Variants in RNF17 observed in about 807,000 individuals in gnomAD.
The protein encoded by RNF17 is spermatogenesis associated 23.
Under a neutral mutation model 200.5 loss-of-function variants are expected in RNF17, and 31 were observed. That is an observed-to-expected ratio of 0.15 (90% CI 0.12 to 0.21). RNF17 has a LOEUF of 0.21. Ranked by LOEUF, RNF17 falls within the 10% of genes least tolerant of loss-of-function variation. The pLI is 1.00. For missense variants in RNF17, 1,628 were observed against 1,905.1 expected, an observed-to-expected ratio of 0.85 and a Z score of 2.71; for synonymous variants, 606 against 637.8, an observed-to-expected ratio of 0.95 and a Z score of 0.75.
At chr13:24,839,511 T>C (rs938369005) in intron 18 of RNF17, among the ~76,000 whole-genome samples, 1 of 152,004 alleles carries the variant, frequency 6.6e-6, no homozygotes, top group Admixed American at 6.6e-5. Context: ...ACCAAAACAG[T>C]GTGGTACTGG....
At chr13:24,848,599 G>A (rs1891507885) in intron 22 of RNF17, among the ~76,000 whole-genome samples, 1 of 152,102 alleles carries the variant, frequency 6.6e-6, no homozygotes, top group African/African-American at 2.4e-5. Context: ...GGAGGCAGAA[G>A]TTGCAGTGAG....
At chr13:24,766,353 A>G (rs938582404) in intron 1 of RNF17, among the ~76,000 whole-genome samples, 2 of 152,234 alleles carry the variant, frequency 1.3e-5, no homozygotes, top group African/African-American at 2.4e-5. Flanking sequence ...AAAAATGACA[A>G]CCTTTTGAAA....
downstream of RNF17, among the ~76,000 whole-genome samples, chr13:24,882,093 T>G (rs748385902): frequency 7.8e-3 from 127 of 16,268 alleles, 15 homozygotes; most frequent in South Asian, 0.014. Context: ...CATCTATATA[T>G]ATAGATACAT....
intron 1 of RNF17, among the ~76,000 whole-genome samples, chr13:24,765,068 T>C (rs1879448971): frequency 6.6e-6 from 1 of 152,136 alleles, no homozygotes; most frequent in African/African-American, 2.4e-5. Flanking sequence ...CAGGCTGGAG[T>C]GCAGTGGCGC....
intron 16 of RNF17, among the ~76,000 whole-genome samples, chr13:24,827,048 A>T (rs1365321111): frequency 6.6e-6 from 1 of 150,404 alleles, no homozygotes; most frequent in Non-Finnish European, 1.5e-5. Context: ...CAACAAGAGC[A>T]AAACTCTGTT....
chr13:24,843,869 T>A lies in RNF17; in HGVS notation c.2729T>A (p.Phe910Tyr). 6.2e-7 allele frequency: 1 copy of A among 1,603,544 alleles called. No homozygotes were observed. Among genetic ancestry groups the A allele is most frequent in the Non-Finnish European group, 8.5e-7 (1 of 1,171,332 alleles). ...GCAAAATCTCTACCTAATGAGAATT[T>A]TCAGTCACTTTATAATAAGGAATTG... ...VSAKSLPNEN[F>Y]QSLYNKELPV... Residue 910 changes from phenylalanine (F) to tyrosine (Y), a missense_variant, in exon 20 of 36, where the codon TTT becomes TAT. Phe to Tyr is a conservative substitution (Grantham distance 22). Around this residue, in one of 5 missense-constraint regions of RNF17, gnomAD observed 227 missense variants for 319.8 expected, o/e 0.71. Transcript: ENST00000255324.
chr13:24,793,414 T>C (rs1019301650), intron 10 of RNF17, 68 bp downstream of exon 10: 39 of 1,387,212 alleles, frequency 2.8e-5, no homozygotes, highest in Non-Finnish European at 3.4e-5. Flanking sequence ...TGGTACCTTT[T>C]TCGTCCATGC....
chr13:24,802,303 T>TA, intron 13 of RNF17, 78 bp from the exon 14 acceptor site: 1 of 1,338,790 alleles, frequency 7.5e-7, no homozygotes, highest in Non-Finnish European at 1.0e-6. Flanking sequence ...CTGTGGTTGG[T>TA]ACAAACCTAA....
At chr13:24,872,668 C>G (rs920753819) in intron 32 of RNF17, among the ~76,000 whole-genome samples, 4 of 152,084 alleles carry the variant, frequency 2.6e-5, no homozygotes, top group Non-Finnish European at 2.9e-5. Flanking sequence ...AAGAATAGCT[C>G]TTCTTAAAGG....
At chr13:24,779,603 A>G in intron 4 of RNF17, 64 bp from the exon 5 acceptor site, 1 of 1,284,152 alleles carries the variant, frequency 7.8e-7, no homozygotes, top group Non-Finnish European at 1.1e-6. Context: ...CAACTATAAT[A>G]TATATATGTC....
At chr13:24,876,905 A>G (rs566491767) in intron 33 of RNF17, 92 bp from the exon 34 acceptor site, 51 of 1,030,880 alleles carry the variant, frequency 4.9e-5, no homozygotes, top group Non-Finnish European at 5.8e-5. Context: ...GCAAAATCCA[A>G]TGTTATGAAG....
At chr13:24,835,805 G>C (rs1402569523) in intron 18 of RNF17, among the ~76,000 whole-genome samples, 1 of 152,144 alleles carries the variant, frequency 6.6e-6, no homozygotes, top group African/African-American at 2.4e-5. Flanking sequence ...ACCAGCAGTG[G>C]ATCCAAACCA....
chr13:24,829,631 C>T (rs1378490652), intron 16 of RNF17, among the ~76,000 whole-genome samples: 1 of 152,202 alleles, frequency 6.6e-6, no homozygotes, highest in Non-Finnish European at 1.5e-5. Flanking sequence ...CTTGCTTCTA[C>T]TTCTCCCAAG....
At chr13:24,768,698 C>G (rs1461612764) in intron 2 of RNF17, among the ~76,000 whole-genome samples, 1 of 151,872 alleles carries the variant, frequency 6.6e-6, no homozygotes, top group African/African-American at 2.4e-5. Flanking sequence ...GAATGCAGTT[C>G]TCATTCTGTC....
At position 24,789,442 on chromosome 13, in the gene RNF17, C is replaced by G; in HGVS notation, c.860+18C>G. On this transcript the variant is annotated intron_variant, in intron 8 of 35. Transcript: ENST00000255324. ...CCTCCCAGGTAAGTAAGTCATAGTT[C>G]AGGAGACCATAACAAGTATAAAGAT... 9 of 1,495,282 alleles carry G rather than the reference C, an allele frequency of 6.0e-6. No homozygotes were observed. Among genetic ancestry groups the G allele is most frequent in the Non-Finnish European group, 8.4e-6 (9 of 1,075,508 alleles). The allele number at this position is 1,495,282 out of a possible 1,614,324, so 92.6% of individuals were successfully genotyped here.
chr13:24,879,488 C>T (rs992988764), intron 35 of RNF17, among the ~76,000 whole-genome samples, 193 bp downstream of exon 35: 1 of 152,152 alleles, frequency 6.6e-6, no homozygotes, highest in Non-Finnish European at 1.5e-5. Flanking sequence ...GTAAGGATGC[C>T]TGGATGGGCT....
At chr13:24,788,286 TTGA>T (rs1446773354) in intron 7 of RNF17, 127 bp downstream of exon 7, 5 of 626,454 alleles carry the variant, frequency 8.0e-6, no homozygotes, top group Non-Finnish European at 1.3e-5. Context: ...GAATTCTAAA[TTGA>T]TGACAATATA....
chr13:24,877,759 T>C (rs548084806), intron 34 of RNF17, among the ~76,000 whole-genome samples: 1 of 152,356 alleles, frequency 6.6e-6, no homozygotes, highest in Non-Finnish European at 1.5e-5. Flanking sequence ...CTAATTGTAC[T>C]AATCTCATAA....
In RNF17 at chr13:24,778,295, G is replaced by C. The variant is rs771705774; in HGVS notation, c.318G>C (p.Thr106=). 3 of 1,581,056 alleles carry C rather than the reference G, an allele frequency of 1.9e-6. No homozygotes were observed. The highest frequency in any genetic ancestry group is 2.6e-6 in the Non-Finnish European group (3 of 1,151,174). Residue 106 remains threonine (T), a splice_region_variant and synonymous_variant, in exon 4 of 36, where the codon ACG becomes ACC. Transcript: ENST00000255324. ...AAATAATATACTTGATACTTTTCAG[G>C]ATAAAGAATTGTTCTCAGGACTTTA... is the stretch of plus-strand genomic sequence containing the variant. ...DSIMEKLQPK[T]IKNCSQDFKK...
Sources: allele counts gnomAD v4.1 joint callset (sites outside exome capture counted in the v4.1 genomes callset), GRCh38; gene constraint gnomAD v4.1.1; regional missense constraint gnomAD v4.1.1; transcripts MANE v1.5; gene names NCBI Gene and HGNC (gene_info 2026-07-23, HGNC 2026-07-21).